ASAP1: variants seen among roughly 807,000 people sequenced by gnomAD.
ASAP1 encodes arf-GAP with SH3 domain, ANK repeat and PH domain-containing protein 1.
Under a neutral mutation model 145.2 loss-of-function variants are expected in ASAP1, and 43 were observed. The observed-to-expected ratio is 0.30, with a 90% CI of 0.23 to 0.38. ASAP1 has a LOEUF of 0.38. Among genes scored for constraint, ASAP1 ranks in the 10% least tolerant of loss-of-function variants. The probability of loss-of-function intolerance (pLI) is 1.00; values close to 1 mark genes in which losing one functional copy is unlikely to be tolerated. For missense variants in ASAP1, 1,018 were observed against 1,355.3 expected, an observed-to-expected ratio of 0.75 and a Z score of 3.91; for synonymous variants, 546 against 515.5, an observed-to-expected ratio of 1.06 and a Z score of -0.80.
intron 2 of ASAP1, among the ~76,000 whole-genome samples, chr8:130,367,748 G>C (rs1458021762): frequency 6.6e-6 from 1 of 152,182 alleles, no homozygotes; most frequent in Non-Finnish European, 1.5e-5. Flanking sequence ...AAAACGCTAA[G>C]AACTGTCTGG....
intron 2 of ASAP1, among the ~76,000 whole-genome samples, chr8:130,393,135 C>T (rs182555105): frequency 6.6e-6 from 1 of 152,158 alleles, no homozygotes; most frequent in Admixed American, 6.5e-5. Context: ...ATTTGTTAAC[C>T]CACTGCTCAT....
intron 12 of ASAP1, among the ~76,000 whole-genome samples, chr8:130,153,357 A>ATATG (rs1337737853): frequency 1.0e-4 from 4 of 39,872 alleles, no homozygotes; most frequent in African/African-American, 2.4e-4. Context: ...ATATATATAT[A>ATATG]TGTATATATA....
At chr8:130,159,271 G>GT in intron 12 of ASAP1, among the ~76,000 whole-genome samples, 1 of 152,178 alleles carries the variant, frequency 6.6e-6, no homozygotes, top group East Asian at 1.9e-4. Context: ...GGAGTCAAGG[G>GT]TGACACCCAA....
chr8:130,172,640 G>T (rs1813666627), intron 9 of ASAP1, among the ~76,000 whole-genome samples: 1 of 151,950 alleles, frequency 6.6e-6, no homozygotes, highest in East Asian at 1.9e-4. Context: ...GTGGCCAATG[G>T]GTACCATGTA....
intron 13 of ASAP1, among the ~76,000 whole-genome samples, chr8:130,140,647 T>C (rs946602878): frequency 5.9e-5 from 9 of 152,352 alleles, no homozygotes; most frequent in East Asian, 5.8e-4. Context: ...ATGATGTTTA[T>C]TCTCTTAGAA....
At chr8:130,289,884 A>G (rs1284190974) in intron 3 of ASAP1, among the ~76,000 whole-genome samples, 2 of 152,198 alleles carry the variant, frequency 1.3e-5, no homozygotes, top group Admixed American at 6.5e-5. Context: ...GTTTTTAAAT[A>G]TCCAGTACGT....
rs752125848 is a variant in ASAP1, at chr8:130,118,174, G to T, written c.1867C>A (p.Leu623Ile). The T allele has an allele frequency of 1.2e-6, 2 of 1,613,612 alleles. No individual in the cohort carries two copies. The highest frequency in any genetic ancestry group is 1.7e-6 in the Non-Finnish European group (2 of 1,179,644). The change falls in exon 20 of 30, where the codon CTT becomes ATT. Residue 623 changes from leucine to isoleucine, a missense_variant. Around this residue, in one of 9 missense-constraint regions of ASAP1, gnomAD observed 353 missense variants for 375.4 expected, o/e 0.94. Transcript: ENST00000518721. ...CAAAAACGATACCAGTTTTGTACAA[G>T]GAAGTCAACCAAATGGAGAGATGTC... Reference protein sequence around the residue: ...DQTSLHLVDFLVQNCGNLDKQ... With the variant: ...DQTSLHLVDFIVQNCGNLDKQ...
intron 1 of ASAP1, among the ~76,000 whole-genome samples, chr8:130,432,542 A>G (rs1337631927): frequency 6.6e-6 from 1 of 152,106 alleles, no homozygotes; most frequent in Non-Finnish European, 1.5e-5. Flanking sequence ...TTTTAGTTAC[A>G]AATAACAGAA....
chr8:130,086,295 C>T lies in ASAP1; in HGVS notation c.2572+5678G>A, dbSNP rs189206050. 2.2e-3 allele frequency among the ~76,000 whole-genome samples: 333 copies of T among 152,322 alleles called. 1 individual carries two copies. In the Middle Eastern group the frequency reaches 0.027, roughly 12 times the overall value. The stretch of plus-strand genomic sequence containing the variant: ...GTGTAAATCACTTAACCTTTCTGCG[C>T]CCCGAAGTTGAGATAATAGCATTTT... On this transcript the variant is annotated intron_variant, in intron 25 of 29. Coordinates refer to ENST00000518721, the MANE Select transcript of ASAP1 (RefSeq NM_018482.4).
chr8:130,186,609 C>T (rs556463888), intron 7 of ASAP1, among the ~76,000 whole-genome samples: 70 of 152,226 alleles, frequency 4.6e-4, no homozygotes, highest in Non-Finnish European at 6.5e-4. Flanking sequence ...AAGAACTCCA[C>T]GAGGTTGGTG....
Position 130,240,125 on chromosome 8 carries a change from T to C in ASAP1, c.187-3131A>G, listed in dbSNP as rs943152437. Among the ~76,000 whole-genome samples the C allele has an allele frequency of 2.0e-5, 3 of 152,150 alleles. No individual in the cohort carries two copies. The East Asian group carries it at 5.8e-4, about 29-fold the overall frequency. ...GAAAGATTTCAGCCATAACATTTTT[T>C]GAGACCATCTACCTACTTCCTTTTG... On this transcript the variant is annotated intron_variant, in intron 3 of 29. Transcript: ENST00000518721.
At chr8:130,093,063 T>C (rs1017574855) in intron 24 of ASAP1, among the ~76,000 whole-genome samples, 2 of 152,092 alleles carry the variant, frequency 1.3e-5, no homozygotes, top group South Asian at 2.1e-4. Flanking sequence ...ATCTGTTATA[T>C]TGGAAGCCTG....
At chr8:130,348,035 T>C (rs1451671309) in intron 3 of ASAP1, among the ~76,000 whole-genome samples, 1 of 152,182 alleles carries the variant, frequency 6.6e-6, no homozygotes, top group Non-Finnish European at 1.5e-5. Flanking sequence ...CTAGATGGTC[T>C]CTGAGGCCTT....
At chr8:130,391,644 G>A (rs1362423485) in intron 2 of ASAP1, among the ~76,000 whole-genome samples, 2 of 152,186 alleles carry the variant, frequency 1.3e-5, no homozygotes, top group African/African-American at 4.8e-5. Context: ...AGACATGCAG[G>A]CACTATCACA....
At chr8:130,361,861 A>C in intron 2 of ASAP1, 2 of 894,028 alleles carry the variant, frequency 2.2e-6, no homozygotes, top group Non-Finnish European at 3.6e-6. Flanking sequence ...ATCCTCCCCA[A>C]AGCCAGGAAA....
intron 15 of ASAP1, among the ~76,000 whole-genome samples, chr8:130,131,173 C>CAAA (rs2097582397): frequency 6.6e-6 from 1 of 151,684 alleles, no homozygotes. Context: ...AACAAACAAA[C>CAAA]AAACAAACAA....
At chr8:130,423,641 A>G (rs1182488780) in intron 1 of ASAP1, among the ~76,000 whole-genome samples, 1 of 152,244 alleles carries the variant, frequency 6.6e-6, no homozygotes, top group Non-Finnish European at 1.5e-5. Context: ...GAGTCCCTAT[A>G]TATTATATGA....
At chr8:130,117,402 A>G (rs948503951) in intron 20 of ASAP1, among the ~76,000 whole-genome samples, 1 of 152,180 alleles carries the variant, frequency 6.6e-6, no homozygotes, top group African/African-American at 2.4e-5. Flanking sequence ...TCTGGAGCCA[A>G]TGTTTTGAGC....
chr8:130,246,942 C>T (rs1818887348), intron 3 of ASAP1: 1 of 152,194 alleles, frequency 6.6e-6, no homozygotes, highest in Non-Finnish European at 1.5e-5. Flanking sequence ...CAGAAATCAA[C>T]TACCATTTGT....
Sources: allele counts gnomAD v4.1 joint callset (sites outside exome capture counted in the v4.1 genomes callset), GRCh38; gene constraint gnomAD v4.1.1; regional missense constraint gnomAD v4.1.1; transcripts MANE v1.5; gene names NCBI Gene and HGNC (gene_info 2026-07-23, HGNC 2026-07-21).